Variants in PRORP observed in about 807,000 individuals in gnomAD.
The protein encoded by PRORP is mitochondrial ribonuclease P catalytic subunit.
Under a neutral mutation model 59.4 loss-of-function variants are expected in PRORP, and 51 were observed. The observed-to-expected ratio is 0.86, with a 90% confidence interval of 0.69 to 1.08. The LOEUF is 1.08. Ranked by LOEUF, PRORP falls within the 50% of genes least tolerant of loss-of-function variation. PRORP has a pLI of 0.00. For missense variants in PRORP, 646 were observed against 690.3 expected, an observed-to-expected ratio of 0.94 and a Z score of 0.72; for synonymous variants, 231 against 245.6, an observed-to-expected ratio of 0.94 and a Z score of 0.55.
intron 5 of PRORP, among the ~76,000 whole-genome samples, chr14:35,185,453 G>C (rs2048719103): frequency 6.6e-6 from 1 of 152,094 alleles, no homozygotes; most frequent in African/African-American, 2.4e-5. Context: ...TGTAATAAAA[G>C]ACAGTGGAAG....
chr14:35,204,600 CAT>C lies in PRORP; in HGVS notation c.1275+23825_1275+23826del, dbSNP rs555862916. On this transcript the variant is annotated intron_variant, in intron 5 of 7. Coordinates refer to ENST00000534898, the MANE Select transcript of PRORP (RefSeq NM_014672.4). ...TTCAGAAGTACAAAGGTGAAAGAAA[CAT>C]AGTCTTTATCCTTAAGAGTTTTATA... Among the ~76,000 whole-genome samples the C allele has an allele frequency of 2.0e-5, 3 of 152,004 alleles. No individual in the cohort carries two copies. The South Asian group carries it at 6.2e-4, about 32-fold the overall frequency.
Position 35,274,273 on chromosome 14 carries a change from T to G in PRORP, c.*707T>G, listed in dbSNP as rs895541217. 3 of 151,890 alleles carry G rather than the reference T, an allele frequency of 2.0e-5. No homozygotes were observed. The highest frequency in any genetic ancestry group is 7.3e-5 in the African/African-American group (3 of 41,334). The allele number at this position is 151,890 out of a possible 1,614,324, so 9.4% of individuals were successfully genotyped here. ...AGCAATCTTCCTACCTCAGCCCTCC[T>G]GAGTAATTGGGACTACAGGCATGTA... On this transcript the variant is annotated 3_prime_UTR_variant, in exon 8 of 8. Coordinates refer to ENST00000534898, the MANE Select transcript of PRORP (RefSeq NM_014672.4).
At chr14:35,148,941 C>T (rs1328513932) in intron 4 of PRORP, among the ~76,000 whole-genome samples, 39 of 97,932 alleles carry the variant, frequency 4.0e-4, no homozygotes, top group African/African-American at 1.1e-3. Flanking sequence ...TTTTTTGAGA[C>T]GGAGTCTCGC....
chr14:35,152,832 G>A (rs1162343276), intron 4 of PRORP, among the ~76,000 whole-genome samples: 1 of 151,682 alleles, frequency 6.6e-6, no homozygotes, highest in African/African-American at 2.4e-5. Context: ...CTCAGACGGT[G>A]GGCGGCCGGA....
intron 4 of PRORP, among the ~76,000 whole-genome samples, chr14:35,129,698 C>T (rs980135746): frequency 5.9e-5 from 9 of 151,886 alleles, no homozygotes; most frequent in Non-Finnish European, 1.3e-4. Flanking sequence ...TCAGGCTGGC[C>T]TCGAACTCCT....
intron 5 of PRORP, among the ~76,000 whole-genome samples, chr14:35,234,575 C>T (rs1463550370): frequency 6.6e-6 from 1 of 152,022 alleles, no homozygotes; most frequent in Admixed American, 6.6e-5. Context: ...ACGCCCCTAG[C>T]CTTACTTCCC....
chr14:35,160,263 C>A (rs2048024338), intron 4 of PRORP, among the ~76,000 whole-genome samples: 1 of 152,200 alleles, frequency 6.6e-6, no homozygotes, highest in African/African-American at 2.4e-5. Context: ...TACTGTTGGA[C>A]TCTTTCACCT....
intron 5 of PRORP, among the ~76,000 whole-genome samples, chr14:35,193,320 C>T (rs2048930468): frequency 6.6e-6 from 1 of 152,172 alleles, no homozygotes; most frequent in South Asian, 2.1e-4. Context: ...GCACTGAATG[C>T]TTTCATTCTT....
rs368401605 is a variant in PRORP at position 35,132,553 on chromosome 14, T to A, written c.1167+4942T>A. ...ATCCCAGCACTTTGGGAGGCCGAGG[T>A]GGGTGTGAATCACCTGAGTTTAGGA... On this transcript the variant is annotated intron_variant, in intron 4 of 7. Transcript: ENST00000534898. 1.6e-4 allele frequency among the ~76,000 whole-genome samples: 24 copies of A among 151,400 alleles called. No individual in the cohort carries two copies. In the East Asian group the frequency reaches 3.3e-3, roughly 21 times the overall value.
chr14:35,230,201 C>T (rs1050727877), intron 5 of PRORP, among the ~76,000 whole-genome samples: 16 of 151,916 alleles, frequency 1.1e-4, no homozygotes, highest in African/African-American at 3.6e-4. Flanking sequence ...TACAGGTATG[C>T]GCCATAACTC....
intron 5 of PRORP, 116 bp from the exon 6 acceptor site, chr14:35,266,611 C>T (rs1339854342): frequency 8.4e-6 from 9 of 1,068,876 alleles, no homozygotes; most frequent in Non-Finnish European, 1.1e-5. Flanking sequence ...GGATTGTTTT[C>T]TTACCCCCTA....
intron 4 of PRORP, among the ~76,000 whole-genome samples, chr14:35,129,140 G>A (rs917436050): frequency 5.9e-5 from 9 of 151,938 alleles, no homozygotes; most frequent in East Asian, 1.9e-4. Flanking sequence ...CCCAGGAGGC[G>A]GAGGTTGAAG....
At chr14:35,148,052 C>A (rs2047653379) in intron 4 of PRORP, among the ~76,000 whole-genome samples, 1 of 152,156 alleles carries the variant, frequency 6.6e-6, no homozygotes. Flanking sequence ...ATTTTGAATC[C>A]CTCCGAGTCA....
At chr14:35,229,992 G>C (rs1480612648) in intron 5 of PRORP, among the ~76,000 whole-genome samples, 4 of 150,762 alleles carry the variant, frequency 2.7e-5, no homozygotes, top group Non-Finnish European at 5.9e-5. Flanking sequence ...AAACTTCTGG[G>C]TACATATTTT....
intron 5 of PRORP, among the ~76,000 whole-genome samples, chr14:35,189,699 G>C (rs890847857): frequency 6.6e-6 from 1 of 152,094 alleles, no homozygotes; most frequent in African/African-American, 2.4e-5. Flanking sequence ...GTATTCTGTT[G>C]TCTATTAACA....
intron 2 of PRORP, among the ~76,000 whole-genome samples, chr14:35,125,513 T>C (rs2047075678): frequency 6.6e-6 from 1 of 152,224 alleles, no homozygotes; most frequent in African/African-American, 2.4e-5. Flanking sequence ...TGAGCCACCA[T>C]GCTTAGTCAT....
chr14:35,259,063 C>G (rs1293945574), intron 5 of PRORP, among the ~76,000 whole-genome samples: 1 of 152,204 alleles, frequency 6.6e-6, no homozygotes, highest in Non-Finnish European at 1.5e-5. Flanking sequence ...AGGTTTCCAA[C>G]TGTAGTTGTA....
chr14:35,264,716 C>T (rs2050996759), intron 5 of PRORP, among the ~76,000 whole-genome samples: 1 of 152,198 alleles, frequency 6.6e-6, no homozygotes, highest in African/African-American at 2.4e-5. Context: ...CACAGTGGCT[C>T]ACGCCTGTAA....
At chr14:35,151,970 TTTCTCGCAGAGGGGGA>T (rs1367138763) in intron 4 of PRORP, among the ~76,000 whole-genome samples, 1 of 151,142 alleles carries the variant, frequency 6.6e-6, no homozygotes, top group Non-Finnish European at 1.5e-5. Flanking sequence ...TTCTTGGGTG[TTTCTCGCAGAGGGGGA>T]TTTGGCAGGG....
Sources: gnomAD v4.1 joint callset for allele counts (sites outside exome capture counted in the v4.1 genomes callset) on GRCh38, gnomAD v4.1.1 for gene constraint, MANE v1.5 for transcripts, NCBI Gene and HGNC (gene_info 2026-07-23, HGNC 2026-07-21) for gene names.